Variants in TBC1D12 observed in about 807,000 individuals in gnomAD.
TBC1D12 encodes TBC1 domain family, member 12.
Under a neutral mutation model 86.7 loss-of-function variants are expected in TBC1D12, and 56 were observed. That is an observed-to-expected ratio of 0.65 (90% CI 0.52 to 0.81). The LOEUF (loss-of-function observed/expected upper bound fraction) is 0.81, where lower values mean the gene tolerates loss of function less well. Ranked by LOEUF, TBC1D12 falls within the 30% of genes least tolerant of loss-of-function variation. TBC1D12 has a pLI of 0.00. For missense variants in TBC1D12, 1,023 were observed against 1,038.8 expected, an observed-to-expected ratio of 0.98 and a Z score of 0.21; for synonymous variants, 421 against 411.7, an observed-to-expected ratio of 1.02 and a Z score of -0.27.
intron 1 of TBC1D12, among the ~76,000 whole-genome samples, chr10:94,412,501 A>G (rs1282810314): frequency 1.3e-5 from 2 of 152,232 alleles, no homozygotes; most frequent in Non-Finnish European, 2.9e-5. Flanking sequence ...AGCTTTGACT[A>G]AAAAGCAAAT....
chr10:94,403,563 G>A lies in TBC1D12; in HGVS notation c.950G>A (p.Gly317Asp). The change falls in exon 1 of 13, where the codon GGC becomes GAC. Residue 317 changes from glycine (G) to aspartate (D), a missense_variant. Transcript: ENST00000225235. ...TCGGCCCGGGCTCGACGGAGTGGCG[G>A]CTTCGCGGACTTCTTCACCAGGTAC... The part of the protein sequence containing the change: ...GASARARRSG[G>D]FADFFTRNLF... 1 of 1,479,450 alleles carries A rather than the reference G, an allele frequency of 6.8e-7. No homozygotes were observed. Among genetic ancestry groups the A allele is most frequent in the Non-Finnish European group, 8.9e-7 (1 of 1,125,388 alleles). The allele number at this position is 1,479,450 out of a possible 1,614,324, so 91.6% of individuals were successfully genotyped here. A position where few individuals can be genotyped will look rare whatever the true frequency, so the allele number is the denominator to read the frequency against.
In TBC1D12 at chr10:94,402,698, G is replaced by T; in HGVS notation, c.85G>T (p.Asp29Tyr). 1.3e-6 allele frequency: 2 copies of T among 1,598,434 alleles called. No individual in the cohort carries two copies. The highest frequency in any genetic ancestry group is 1.7e-6 in the Non-Finnish European group (2 of 1,172,870). ...GCCTGCGCCGGACCCCGTGGGCCAG[G>T]ACAGGAAGGTAATCCGGGCCACGGG... ...PVPAPDPVGQ[D>Y]RKVIRATGGF... The change falls in exon 1 of 13, where the codon GAC becomes TAC. Residue 29 changes from aspartate to tyrosine, a missense_variant. Coordinates refer to ENST00000225235, the MANE Select transcript of TBC1D12 (RefSeq NM_015188.2).
At chr10:94,412,044 T>G (rs1166096152) in intron 1 of TBC1D12, among the ~76,000 whole-genome samples, 2 of 152,196 alleles carry the variant, frequency 1.3e-5, no homozygotes, top group Non-Finnish European at 2.9e-5. Flanking sequence ...ATCTTCAAAT[T>G]ACAGGATGGT....
chr10:94,477,356 G>T (rs2056005515), intron 3 of TBC1D12, among the ~76,000 whole-genome samples: 2 of 152,174 alleles, frequency 1.3e-5, no homozygotes, highest in South Asian at 4.1e-4. Context: ...TGTCTTCATG[G>T]TATTGGAGTA....
intron 2 of TBC1D12, among the ~76,000 whole-genome samples, chr10:94,454,065 T>G (rs2055590590): frequency 6.6e-6 from 1 of 152,216 alleles, no homozygotes; most frequent in Non-Finnish European, 1.5e-5. Context: ...TCTGACTTTG[T>G]CTTTCTTCAA....
intron 2 of TBC1D12, among the ~76,000 whole-genome samples, chr10:94,471,368 A>T (rs893350146): frequency 2.0e-5 from 3 of 152,044 alleles, no homozygotes; most frequent in East Asian, 3.9e-4. Context: ...TATTAAATGT[A>T]TACTTAGTTC....
intron 1 of TBC1D12, among the ~76,000 whole-genome samples, chr10:94,408,262 T>C (rs2054883346): frequency 6.6e-6 from 1 of 152,180 alleles, no homozygotes; most frequent in Non-Finnish European, 1.5e-5. Flanking sequence ...ATTGGAGATT[T>C]TTTTCCCTTT....
At chr10:94,489,812 C>T (rs1255311956) in intron 3 of TBC1D12, among the ~76,000 whole-genome samples, 1 of 152,144 alleles carries the variant, frequency 6.6e-6, no homozygotes, top group East Asian at 1.9e-4. Context: ...CAGTAAGACA[C>T]ACATGTTTGC....
rs577770377 is a variant in TBC1D12 at position 94,525,926 on chromosome 10, A to T, written c.2000+3473A>T. Among the ~76,000 whole-genome samples, 5 of 152,276 alleles carry T rather than the reference A, an allele frequency of 3.3e-5. No homozygotes were observed. In the South Asian group the frequency reaches 1.0e-3, roughly 32 times the overall value. On this transcript the variant is annotated intron_variant, in intron 11 of 12. Transcript: ENST00000225235. ...GTAATTAGCATATCCATCATCTCAA[A>T]CATTTATCATTTCTTTGTGTTAGGA...
chr10:94,453,735 A>G, intron 2 of TBC1D12, among the ~76,000 whole-genome samples: 1 of 152,162 alleles, frequency 6.6e-6, no homozygotes, highest in Non-Finnish European at 1.5e-5. Flanking sequence ...TCTAGGAGTT[A>G]TATAGTTTTG....
chr10:94,484,731 A>G (rs1323057503), intron 3 of TBC1D12, among the ~76,000 whole-genome samples: 1 of 152,186 alleles, frequency 6.6e-6, no homozygotes, highest in Non-Finnish European at 1.5e-5. Flanking sequence ...ATCCATGAAC[A>G]TGGAATATTT....
In TBC1D12 at chr10:94,484,867, T is replaced by C. The variant is rs563989961; in HGVS notation, c.1212-8498T>C. Among the ~76,000 whole-genome samples the C allele has an allele frequency of 2.6e-3, 391 of 152,326 alleles. 2 individuals are homozygous for C. The highest frequency in any genetic ancestry group is 4.1e-3 in the Non-Finnish European group (279 of 68,012). ...AGGTATTTAATTTTATTTGTGGCTA[T>C]TATAAATGGGATTACTTTTTTATTT... On this transcript the variant is annotated intron_variant, in intron 3 of 12. Transcript: ENST00000225235.
chr10:94,403,634 G>T, intron 1 of TBC1D12, 50 bp downstream of exon 1: 1 of 1,408,650 alleles, frequency 7.1e-7, no homozygotes, highest in East Asian at 2.9e-5. Flanking sequence ...GCCGGGGCCG[G>T]AGCCGGGGTC....
At chr10:94,476,845 A>G (rs1368245999) in intron 3 of TBC1D12, among the ~76,000 whole-genome samples, 3 of 152,216 alleles carry the variant, frequency 2.0e-5, no homozygotes, top group Admixed American at 2.0e-4. Context: ...CCTCTCTTGG[A>G]AGGCTTTTAT....
intron 3 of TBC1D12, among the ~76,000 whole-genome samples, chr10:94,483,607 A>G (rs1482310519): frequency 1.3e-5 from 2 of 152,160 alleles, no homozygotes; most frequent in Non-Finnish European, 2.9e-5. Context: ...AAATTGGATT[A>G]TTAGCTTTAT....
intron 3 of TBC1D12, among the ~76,000 whole-genome samples, chr10:94,480,741 GT>G (rs1211821386): frequency 6.6e-6 from 1 of 150,906 alleles, no homozygotes; most frequent in African/African-American, 2.4e-5. Context: ...GCCAGGTGTG[GT>G]GGCACACTAC....
chr10:94,483,879 C>A (rs987838661), intron 3 of TBC1D12, among the ~76,000 whole-genome samples: 1 of 152,040 alleles, frequency 6.6e-6, no homozygotes, highest in African/African-American at 2.4e-5. Context: ...GAGAGTTTCC[C>A]CAGTGTTTTC....
chr10:94,503,655 T>C (rs2134194614), intron 6 of TBC1D12, among the ~76,000 whole-genome samples: 1 of 152,282 alleles, frequency 6.6e-6, no homozygotes, highest in South Asian at 2.1e-4. Context: ...GATGGAGTCT[T>C]GCTCTGTCGC....
chr10:94,406,262 G>C (rs1812882812), intron 1 of TBC1D12, among the ~76,000 whole-genome samples: 1 of 152,126 alleles, frequency 6.6e-6, no homozygotes, highest in Non-Finnish European at 1.5e-5. Flanking sequence ...AATATAGCTA[G>C]ATGACATTCA....
Sources: gnomAD v4.1 joint callset for allele counts (sites outside exome capture counted in the v4.1 genomes callset) on GRCh38, gnomAD v4.1.1 for gene constraint, MANE v1.5 for transcripts, NCBI Gene and HGNC (gene_info 2026-07-23, HGNC 2026-07-21) for gene names.